FRK: variants seen among roughly 807,000 people sequenced by gnomAD.
The protein encoded by FRK is tyrosine-protein kinase FRK.
FRK carries 51 observed loss-of-function variants against 56.4 expected under a neutral mutation model. That is an observed-to-expected ratio of 0.90 (90% CI 0.72 to 1.14). FRK has a LOEUF of 1.14. Ranked by LOEUF, FRK falls within the 50% of genes most tolerant of loss-of-function variation. FRK has a pLI of 0.00. For synonymous variants in FRK, 245 were observed against 217.9 expected (o/e 1.12, Z -1.10); for missense variants, 570 against 601.4 (o/e 0.95, Z 0.55).
In FRK at chr6:115,938,014, C is replaced by T. The variant is rs747573486; in HGVS notation, c.*4400G>A. ...TACAGAATTCTCTACCCCAAATCAA[C>T]AGAATATACATTCTTCTCAGCACCT... On this transcript the variant is annotated 3_prime_UTR_variant, in exon 8 of 8. Coordinates refer to ENST00000606080, the MANE Select transcript of FRK (RefSeq NM_002031.3). 6.6e-6 allele frequency: 1 copy of T among 152,218 alleles called. No homozygotes were observed. The highest frequency in any genetic ancestry group is 2.4e-5 in the African/African-American group (1 of 41,458). The allele number at this position is 152,218 out of a possible 1,614,324, so 9.4% of individuals were successfully genotyped here.
chr6:115,990,635 C>T lies in FRK; in HGVS notation c.466+13242G>A, dbSNP rs561420403. 3.3e-5 allele frequency among the ~76,000 whole-genome samples: 5 copies of T among 151,566 alleles called. No homozygotes were observed. In the South Asian group the frequency reaches 1.0e-3, roughly 31 times the overall value. ...CTATTCTGTTCTATTGATCCGTATG[C>T]CTACTTTTGTACCATTACCATTCTG... On this transcript the variant is annotated intron_variant, in intron 2 of 7. Coordinates refer to ENST00000606080, the MANE Select transcript of FRK (RefSeq NM_002031.3).
chr6:115,968,870 CAG>C (rs1773695572), intron 2 of FRK, 131 bp from the exon 3 acceptor site: 1 of 766,344 alleles, frequency 1.3e-6, no homozygotes, highest in African/African-American at 1.8e-5. Flanking sequence ...AACTTTGTCT[CAG>C]AAAAGATTTA....
chr6:115,978,928 C>T (rs758671742), intron 2 of FRK, among the ~76,000 whole-genome samples: 1 of 151,918 alleles, frequency 6.6e-6, no homozygotes, highest in Non-Finnish European at 1.5e-5. Flanking sequence ...TGGCACATGC[C>T]TATAGTCCCA....
At chr6:116,064,361 C>A (rs888985566), upstream of FRK, among the ~76,000 whole-genome samples, 3 of 152,066 alleles carry the variant, frequency 2.0e-5, no homozygotes, top group Non-Finnish European at 1.5e-5. Context: ...CTTCTCTGAA[C>A]CTTTAGTGTC....
upstream of FRK, among the ~76,000 whole-genome samples, chr6:116,062,474 A>G (rs973737664): frequency 6.6e-6 from 1 of 151,948 alleles, no homozygotes; most frequent in African/African-American, 2.4e-5. Flanking sequence ...AAAAAAAAAA[A>G]AGAAAAGAAA....
At position 115,960,103 on chromosome 6, in the gene FRK, C is replaced by T. The variant is rs1010651452; in HGVS notation, c.800-3493G>A. Reference sequence around the variant, plus strand: ...CTCCCAGCGTGAGCGACGCAGAAGACGGGTGATTTCTGCATTTCCATCTGA... The same window carrying T: ...CTCCCAGCGTGAGCGACGCAGAAGATGGGTGATTTCTGCATTTCCATCTGA... On this transcript the variant is annotated intron_variant, in intron 4 of 7. Coordinates refer to ENST00000606080, the MANE Select transcript of FRK (RefSeq NM_002031.3). Among the ~76,000 whole-genome samples the T allele has an allele frequency of 1.6e-4, 25 of 152,088 alleles. 2 individuals are homozygous for T. The highest frequency in any genetic ancestry group is 9.8e-4 in the Admixed American group (15 of 15,282).
chr6:115,957,500 T>C (rs924111695), intron 4 of FRK, among the ~76,000 whole-genome samples: 2 of 152,248 alleles, frequency 1.3e-5, no homozygotes, highest in Admixed American at 6.5e-5. Flanking sequence ...GTATTCACTA[T>C]GAATAATGCA....
At chr6:115,972,908 A>G (rs1773862948) in intron 2 of FRK, among the ~76,000 whole-genome samples, 1 of 152,174 alleles carries the variant, frequency 6.6e-6, no homozygotes, top group Non-Finnish European at 1.5e-5. Flanking sequence ...ACGCTCTATA[A>G]CCAGCAGATT....
intron 5 of FRK, among the ~76,000 whole-genome samples, chr6:115,952,166 A>G (rs1048196053): frequency 6.6e-6 from 1 of 152,180 alleles, no homozygotes; most frequent in Middle Eastern, 3.4e-3. Context: ...TTCTTTTGCT[A>G]TGCAGAAGCT....
chr6:115,932,469 C>A lies in FRK; in HGVS notation c.*9945G>T, dbSNP rs1027771907. The A allele has an allele frequency of 6.6e-6, 1 of 152,168 alleles. No homozygotes were observed. Among genetic ancestry groups the A allele is most frequent in the African/African-American group, 2.4e-5 (1 of 41,434 alleles). The allele number at this position is 152,168 out of a possible 1,614,324, so 9.4% of individuals were successfully genotyped here. A position where few individuals can be genotyped will look rare whatever the true frequency, so the allele number is the denominator to read the frequency against. ...AAACATTGTCAGATCAGCCCACTGG[C>A]AATTCCAATACCCAGGTGTACAAAC... is the stretch of plus-strand genomic sequence containing the variant. On this transcript the variant is annotated 3_prime_UTR_variant, in exon 8 of 8. Coordinates refer to ENST00000606080, the MANE Select transcript of FRK (RefSeq NM_002031.3).
intron 4 of FRK, among the ~76,000 whole-genome samples, chr6:115,959,747 A>G (rs1773250295): frequency 6.6e-6 from 1 of 152,192 alleles, no homozygotes; most frequent in South Asian, 2.1e-4. Context: ...AAAACCCTAG[A>G]AATTAGGAAC....
At chr6:115,980,818 C>T (rs1299344114) in intron 2 of FRK, among the ~76,000 whole-genome samples, 1 of 152,010 alleles carries the variant, frequency 6.6e-6, no homozygotes, top group African/African-American at 2.4e-5. Flanking sequence ...ATACATAAGC[C>T]AGTGAGAAGC....
At chr6:115,972,654 G>A (rs190206016) in intron 2 of FRK, among the ~76,000 whole-genome samples, 2 of 152,308 alleles carry the variant, frequency 1.3e-5, no homozygotes, top group East Asian at 3.9e-4. Flanking sequence ...TGTCAACTGT[G>A]AGTATGGAGA....
intron 4 of FRK, among the ~76,000 whole-genome samples, chr6:115,957,368 C>T (rs9488814): frequency 0.023 from 3,551 of 152,188 alleles, 158 homozygotes; most frequent in African/African-American, 0.08. Context: ...CAAATAAAAT[C>T]TAAGAGGAGG....
intron 5 of FRK, among the ~76,000 whole-genome samples, chr6:115,953,180 A>ATTTT (rs1554224845): frequency 6.7e-5 from 7 of 104,018 alleles, no homozygotes; most frequent in Non-Finnish European, 9.1e-5. Context: ...TTTTAAGGCC[A>ATTTT]TTTTTTTTTT....
At chr6:116,048,582 C>T (rs1394651454) in intron 1 of FRK, among the ~76,000 whole-genome samples, 1 of 152,010 alleles carries the variant, frequency 6.6e-6, no homozygotes, top group East Asian at 1.9e-4. Flanking sequence ...GATGGAGTCT[C>T]GCCATGTTGC....
chr6:116,050,678 C>T (rs1777147716), intron 1 of FRK, among the ~76,000 whole-genome samples: 1 of 152,180 alleles, frequency 6.6e-6, no homozygotes. Context: ...CCTCCTGAAA[C>T]TGTAAAATTC....
At chr6:116,051,363 C>T (rs537073242) in intron 1 of FRK, among the ~76,000 whole-genome samples, 1 of 152,178 alleles carries the variant, frequency 6.6e-6, no homozygotes, top group Admixed American at 6.6e-5. Context: ...ATTAAAGAAT[C>T]TGACATTCAA....
chr6:116,036,536 G>A (rs1776486543), intron 1 of FRK, among the ~76,000 whole-genome samples: 1 of 152,056 alleles, frequency 6.6e-6, no homozygotes, highest in Non-Finnish European at 1.5e-5. Context: ...ACCCAAGTGT[G>A]CTCAATGACC....
Sources: allele counts gnomAD v4.1 joint callset (sites outside exome capture counted in the v4.1 genomes callset), GRCh38; gene constraint gnomAD v4.1.1; transcripts MANE v1.5; gene names NCBI Gene and HGNC (gene_info 2026-07-23, HGNC 2026-07-21).